The following SPMIP2 variants were observed in gnomAD, a reference collection of about 807,000 sequenced individuals.
SPMIP2 encodes the protein sperm microtubule inner protein 2.
chr4:159,023,070 AT>A, the SPMIP2 span, among the ~76,000 whole-genome samples: 1 of 145,378 alleles, frequency 6.9e-6, no homozygotes, highest in African/African-American at 2.8e-5. Context: ...ATAAAATAAA[AT>A]AAAATAAAAT....
the SPMIP2 span, among the ~76,000 whole-genome samples, chr4:159,029,796 T>G: frequency 6.6e-6 from 1 of 152,222 alleles, no homozygotes; most frequent in Non-Finnish European, 1.5e-5. Flanking sequence ...GATTATAAGC[T>G]TCTAGAAAAG....
the SPMIP2 span, among the ~76,000 whole-genome samples, chr4:159,044,049 G>A: frequency 1.3e-5 from 2 of 151,914 alleles, no homozygotes; most frequent in Non-Finnish European, 2.9e-5. Flanking sequence ...GAAAATTTTC[G>A]TTTTTTAGCA....
the SPMIP2 span, among the ~76,000 whole-genome samples, chr4:159,056,246 A>G: frequency 8.9e-4 from 135 of 152,280 alleles, 1 homozygote; most frequent in East Asian, 0.021. Context: ...ACATGCAAAC[A>G]CTGTTTCTTT....
chr4:158,952,018 C>T, the SPMIP2 span, among the ~76,000 whole-genome samples: 1 of 152,170 alleles, frequency 6.6e-6, no homozygotes, highest in African/African-American at 2.4e-5. Context: ...AGCACACAAA[C>T]ACATTATTTG....
chr4:158,973,245 T>C, the SPMIP2 span: 2 of 1,613,914 alleles, frequency 1.2e-6, no homozygotes, highest in Non-Finnish European at 1.7e-6. Flanking sequence ...TAACGCCAGA[T>C]GCTGTTCTCC....
chr4:158,893,765 T>C, the SPMIP2 span: 4 of 1,370,172 alleles, frequency 2.9e-6, no homozygotes, highest in Non-Finnish European at 4.1e-6. Context: ...ACTTCATAAG[T>C]ATTTGCCAAA....
chr4:159,045,251 T>C, the SPMIP2 span, among the ~76,000 whole-genome samples: 1 of 152,202 alleles, frequency 6.6e-6, no homozygotes. Context: ...TTGAAAATAA[T>C]TTGTCTAATT....
the SPMIP2 span, among the ~76,000 whole-genome samples, chr4:159,072,007 T>C: frequency 1.3e-5 from 2 of 152,232 alleles, no homozygotes; most frequent in East Asian, 3.9e-4. Context: ...AATACCTGTT[T>C]TAGAAGTAAC....
the SPMIP2 span, among the ~76,000 whole-genome samples, chr4:158,954,124 A>G: frequency 6.6e-6 from 1 of 152,184 alleles, no homozygotes; most frequent in African/African-American, 2.4e-5. Flanking sequence ...CAGGGGCAGA[A>G]TGATATGGTT....
the SPMIP2 span, among the ~76,000 whole-genome samples, chr4:159,009,686 A>G: frequency 6.6e-6 from 1 of 152,086 alleles, no homozygotes; most frequent in Admixed American, 6.6e-5. Flanking sequence ...TAAGAGTTCT[A>G]CTGGCTTGGC....
the SPMIP2 span, among the ~76,000 whole-genome samples, chr4:159,060,852 A>T: frequency 1.3e-5 from 2 of 152,136 alleles, no homozygotes; most frequent in Non-Finnish European, 2.9e-5. Context: ...TGGGAGGCCG[A>T]GGCAGGCAGA....
chr4:159,068,669 A>G, the SPMIP2 span, among the ~76,000 whole-genome samples: 4 of 151,292 alleles, frequency 2.6e-5, no homozygotes, highest in Non-Finnish European at 4.4e-5. Context: ...ATTAAAAAAT[A>G]AATAAATAAA....
the SPMIP2 span, among the ~76,000 whole-genome samples, chr4:158,933,830 C>A: frequency 1.3e-5 from 2 of 152,110 alleles, no homozygotes; most frequent in Non-Finnish European, 2.9e-5. Flanking sequence ...ACCTCCAGGC[C>A]AGGGAATAGT....
At chr4:159,021,848 G>T in the SPMIP2 span, among the ~76,000 whole-genome samples, 1 of 152,216 alleles carries the variant, frequency 6.6e-6, no homozygotes, top group Non-Finnish European at 1.5e-5. Flanking sequence ...CCAAGGGTGT[G>T]CATATCCTGG....
At chr4:158,916,774 GCTGGGATTA>G in the SPMIP2 span, among the ~76,000 whole-genome samples, 1 of 152,130 alleles carries the variant, frequency 6.6e-6, no homozygotes. Flanking sequence ...CTCCCAAGTA[GCTGGGATTA>G]CAGGTGTACA....
At chr4:159,067,227 A>T in the SPMIP2 span, among the ~76,000 whole-genome samples, 48 of 48,638 alleles carry the variant, frequency 9.9e-4, no homozygotes, top group South Asian at 1.4e-3. Flanking sequence ...GAATCTATTT[A>T]AAAAAAAACC....
the SPMIP2 span, among the ~76,000 whole-genome samples, chr4:158,990,067 G>C: frequency 6.6e-6 from 1 of 152,150 alleles, no homozygotes; most frequent in Non-Finnish European, 1.5e-5. Context: ...AGCGGGTGAA[G>C]GATATGAACG....
the SPMIP2 span, among the ~76,000 whole-genome samples, chr4:158,930,736 G>C: frequency 6.6e-6 from 1 of 152,094 alleles, no homozygotes; most frequent in Non-Finnish European, 1.5e-5. Flanking sequence ...GCCAGGCCTG[G>C]CCTCAAGCAA....
chr4:158,897,182 T>C, the SPMIP2 span, among the ~76,000 whole-genome samples: 1 of 152,226 alleles, frequency 6.6e-6, no homozygotes, highest in South Asian at 2.1e-4. Flanking sequence ...TCATCCTTTT[T>C]ATGGTTGCAT....
Sources: allele counts gnomAD v4.1 joint callset (sites outside exome capture counted in the v4.1 genomes callset), GRCh38; gene constraint gnomAD v4.1.1; transcripts MANE v1.5; gene names NCBI Gene and HGNC (gene_info 2026-07-23, HGNC 2026-07-21).